The following ZNF773 variants were observed in gnomAD, a reference collection of about 807,000 sequenced individuals.
ZNF773 encodes zinc finger protein 773.
Under a neutral mutation model 12.8 loss-of-function variants are expected in ZNF773, and 11 were observed. That is an observed-to-expected ratio of 0.86 (90% CI 0.54 to 1.42). The LOEUF (loss-of-function observed/expected upper bound fraction) is 1.42, where lower values mean the gene tolerates loss of function less well. ZNF773 is among the 40% of genes most tolerant of loss of function. ZNF773 has a pLI of 0.00. For missense variants in ZNF773, 518 were observed against 527.2 expected (o/e 0.98, Z 0.17); for synonymous variants, 175 against 178.4 (o/e 0.98, Z 0.15).
At chr19:57,512,374 A>G (rs928866603), downstream of ZNF773, among the ~76,000 whole-genome samples, 9 of 151,896 alleles carry the variant, frequency 5.9e-5, no homozygotes, top group African/African-American at 2.2e-4. Flanking sequence ...GCTTCCAGAG[A>G]AATGTAAACA....
At chr19:57,505,900 T>G (rs575276441) in intron 3 of ZNF773, among the ~76,000 whole-genome samples, 47 of 152,094 alleles carry the variant, frequency 3.1e-4, no homozygotes, top group African/African-American at 5.5e-4. Context: ...TAGTAGAGAC[T>G]GGGTTTCACC....
downstream of ZNF773, chr19:57,513,222 G>A (rs963033457): frequency 5.2e-6 from 4 of 770,716 alleles, no homozygotes; most frequent in East Asian, 3.5e-5. Context: ...GAATTTGTCT[G>A]CTGAAGAGCA....
intron 3 of ZNF773, among the ~76,000 whole-genome samples, chr19:57,506,143 A>C (rs1252929895): frequency 3.9e-5 from 6 of 152,018 alleles, no homozygotes; most frequent in African/African-American, 1.5e-4. Context: ...GTGCTACACC[A>C]CATCCTTGCA....
chr19:57,501,332 C>T (rs1303787740), intron 1 of ZNF773, among the ~76,000 whole-genome samples: 1 of 147,788 alleles, frequency 6.8e-6, no homozygotes, highest in African/African-American at 2.5e-5. Flanking sequence ...CTGCCCACCT[C>T]GGCCTCCCAA....
chr19:57,508,921 TG>T (rs2089775261), downstream of ZNF773, among the ~76,000 whole-genome samples: 1 of 152,208 alleles, frequency 6.6e-6, no homozygotes, highest in South Asian at 2.1e-4. Flanking sequence ...ATTCCTTATT[TG>T]ATATAAGCGT....
chr19:57,502,099 C>T (rs1197744471), intron 1 of ZNF773, among the ~76,000 whole-genome samples: 4 of 152,284 alleles, frequency 2.6e-5, no homozygotes, highest in East Asian at 1.9e-4. Context: ...CGTGCCGTCA[C>T]GCCCGGCTAA....
intron 1 of ZNF773, among the ~76,000 whole-genome samples, chr19:57,503,742 C>T (rs1241032277): frequency 1.3e-5 from 2 of 151,616 alleles, no homozygotes; most frequent in Non-Finnish European, 2.9e-5. Context: ...ACGGCAACCT[C>T]CACCTCCCGG....
chr19:57,500,847 G>A (rs2089661610), intron 1 of ZNF773, among the ~76,000 whole-genome samples: 1 of 152,140 alleles, frequency 6.6e-6, no homozygotes, highest in Non-Finnish European at 1.5e-5. Context: ...TCGTATTTAG[G>A]AGGGAGAATC....
chr19:57,504,594 T>A lies in ZNF773; in HGVS notation c.34-63T>A, dbSNP rs376027046. The stretch of plus-strand genomic sequence containing the variant: ...AAGAGGGTGAGCAGGGGTGGATGTT[T>A]AGGGGGATGCCTAAATTCCCCAGTA... On this transcript the variant is annotated intron_variant, in intron 1 of 3. Transcript: ENST00000282292. 61 of 1,601,814 alleles carry A rather than the reference T, an allele frequency of 3.8e-5. 1 individual carries two copies. In the East Asian group the frequency reaches 5.6e-4, roughly 15 times the overall value.
chr19:57,513,694 G>A (rs7343164), downstream of ZNF773: 31,478 of 152,166 alleles, frequency 0.21, 3,387 homozygotes, highest in African/African-American at 0.25. Context: ...GTAAAAGAGC[G>A]ATTGGATGCA....
In ZNF773 at chr19:57,506,393, G is replaced by A; in HGVS notation, c.298G>A (p.Glu100Lys). The A allele has an allele frequency of 6.2e-7, 1 of 1,613,864 alleles. No individual in the cohort carries two copies. Among genetic ancestry groups the A allele is most frequent in the Non-Finnish European group, 8.5e-7 (1 of 1,179,908 alleles). ...WQGAKAEAAAEQSASVEVPSS... is the reference protein window; with the variant it reads ...WQGAKAEAAAKQSASVEVPSS... The stretch of plus-strand genomic sequence containing the variant: ...AGGAGCCAAGGCTGAGGCAGCTGCT[G>A]AGCAGAGTGCTTCTGTAGAAGTGCC... The change falls in exon 4 of 4, where the codon GAG becomes AAG. Residue 100 changes from glutamate to lysine, a missense_variant. Coordinates refer to ENST00000282292, the MANE Select transcript of ZNF773 (RefSeq NM_198542.3).
intron 1 of ZNF773, among the ~76,000 whole-genome samples, chr19:57,502,901 C>T (rs1444795450): frequency 6.6e-6 from 1 of 152,038 alleles, no homozygotes; most frequent in Non-Finnish European, 1.5e-5. Context: ...CCGTGTTAGC[C>T]AGGATGATCT....
chr19:57,516,025 G>C (rs1012333200), downstream of ZNF773: 2 of 153,284 alleles, frequency 1.3e-5, no homozygotes, highest in African/African-American at 2.4e-5. Context: ...TACTGATATG[G>C]GGACGAGGGT....
At chr19:57,513,431 T>G, downstream of ZNF773, 1 of 169,404 alleles carries the variant, frequency 5.9e-6, no homozygotes, top group East Asian at 1.5e-4. Flanking sequence ...CTATTGGCAA[T>G]CCAGGATTTA....
At chr19:57,518,188 T>A (rs775649893) in exon 5 of ZNF773, 7 of 152,524 alleles carry the variant, frequency 4.6e-5, no homozygotes, top group Non-Finnish European at 8.8e-5. Flanking sequence ...GACAACTGCA[T>A]CTGCCACCAG....
downstream of ZNF773, chr19:57,508,385 G>C (rs1305815961): frequency 9.3e-6 from 6 of 648,446 alleles, no homozygotes; most frequent in African/African-American, 1.8e-5. Context: ...GGGAGGAAAG[G>C]AGTGGTCTCG....
downstream of ZNF773, among the ~76,000 whole-genome samples, chr19:57,512,663 T>C (rs1042764522): frequency 6.6e-6 from 1 of 152,156 alleles, no homozygotes; most frequent in Non-Finnish European, 1.5e-5. Flanking sequence ...AGTATGCCAC[T>C]GGAGACTATA....
downstream of ZNF773, chr19:57,515,081 GT>G (rs2089823630): frequency 1.3e-5 from 2 of 152,234 alleles, no homozygotes; most frequent in Admixed American, 1.3e-4. Flanking sequence ...TATTAACATT[GT>G]CTGTGATTCA....
At chr19:57,514,617 C>A (rs1049331720), downstream of ZNF773, 2 of 152,192 alleles carry the variant, frequency 1.3e-5, no homozygotes, top group African/African-American at 4.8e-5. Flanking sequence ...ATTAGAATGG[C>A]TTTTTTATCC....
Sources: gnomAD v4.1 joint callset for allele counts (sites outside exome capture counted in the v4.1 genomes callset) on GRCh38, gnomAD v4.1.1 for gene constraint, MANE v1.5 for transcripts, NCBI Gene and HGNC (gene_info 2026-07-23, HGNC 2026-07-21) for gene names.